MTHFD1L: variants seen among roughly 807,000 people sequenced by gnomAD.
MTHFD1L encodes the protein methylenetetrahydrofolate dehydrogenase (NADP+ dependent) 1 like, also known as monofunctional C1-tetrahydrofolate synthase, mitochondrial.
In MTHFD1L, 81 loss-of-function variants were observed where a neutral mutation model predicts 119.5. That is an observed-to-expected ratio of 0.68 (90% CI 0.57 to 0.82). The LOEUF (loss-of-function observed/expected upper bound fraction) is 0.82, where lower values mean the gene tolerates loss of function less well. Among genes scored for constraint, MTHFD1L ranks in the 40% least tolerant of loss-of-function variants. MTHFD1L has a pLI of 0.00. For synonymous variants in MTHFD1L, 430 were observed against 475.2 expected, an observed-to-expected ratio of 0.90 and a Z score of 1.24; for missense variants, 1,125 against 1,253.4, an observed-to-expected ratio of 0.90 and a Z score of 1.55.
At chr6:150,969,420 G>A (rs184714322) in intron 19 of MTHFD1L, among the ~76,000 whole-genome samples, 13 of 151,988 alleles carry the variant, frequency 8.6e-5, no homozygotes, top group South Asian at 2.1e-4. Flanking sequence ...AGCTTGAACC[G>A]GGGAGGTGGA....
At chr6:150,935,219 C>T in intron 11 of MTHFD1L, 1 of 1,611,928 alleles carries the variant, frequency 6.2e-7, no homozygotes, top group Non-Finnish European at 8.5e-7. Flanking sequence ...ATTAAGGCCA[C>T]TGTGGAAGTC....
chr6:150,923,552 T>TTTATTTTTTC (rs1562387406), intron 10 of MTHFD1L, among the ~76,000 whole-genome samples: 8 of 138,136 alleles, frequency 5.8e-5, no homozygotes, highest in Admixed American at 7.2e-5. Context: ...TTCTTTTTTT[T>TTTATTTTTTC]TTTTTTTTTT....
chr6:150,971,168 G>A (rs1797954306), intron 19 of MTHFD1L, among the ~76,000 whole-genome samples: 1 of 152,024 alleles, frequency 6.6e-6, no homozygotes, highest in Admixed American at 6.6e-5. Flanking sequence ...ATAAACATGT[G>A]TCCCTAGGTT....
chr6:151,007,525 C>A (rs1455530138), intron 20 of MTHFD1L, among the ~76,000 whole-genome samples: 1 of 152,178 alleles, frequency 6.6e-6, no homozygotes, highest in African/African-American at 2.4e-5. Flanking sequence ...TGTACCTGTG[C>A]CGTCTCACTT....
chr6:150,914,603 G>T lies in MTHFD1L; in HGVS notation c.893-3974G>T, dbSNP rs115188820. 5.3e-3 allele frequency among the ~76,000 whole-genome samples: 803 copies of T among 151,782 alleles called. 3 individuals are homozygous for T. The highest frequency in any genetic ancestry group is 0.018 in the African/African-American group (750 of 41,394). ...GAGCCTGGGAGGTCAAGGCTGCAAT[G>T]ATCGTGATCACATCACTGCACTCCA... On this transcript the variant is annotated intron_variant, in intron 8 of 27. Transcript: ENST00000367321.
intron 5 of MTHFD1L, among the ~76,000 whole-genome samples, chr6:150,885,023 G>A (rs747874181): frequency 1.3e-5 from 2 of 152,180 alleles, no homozygotes; most frequent in Non-Finnish European, 2.9e-5. Context: ...GGAGCTCCCT[G>A]GAGTTGCGAA....
At chr6:150,983,750 A>G (rs1169626250) in intron 20 of MTHFD1L, among the ~76,000 whole-genome samples, 1 of 152,166 alleles carries the variant, frequency 6.6e-6, no homozygotes, top group Non-Finnish European at 1.5e-5. Flanking sequence ...TTTGAAAACA[A>G]AAGAAAGGGT....
chr6:151,098,957 C>T (rs1225492375), intron 27 of MTHFD1L, among the ~76,000 whole-genome samples: 1 of 151,982 alleles, frequency 6.6e-6, no homozygotes, highest in East Asian at 1.9e-4. Context: ...AGGCGGATCA[C>T]CTGAGGTCAG....
intron 8 of MTHFD1L, among the ~76,000 whole-genome samples, chr6:150,906,598 A>G (rs1022127076): frequency 6.6e-6 from 1 of 152,204 alleles, no homozygotes; most frequent in African/African-American, 2.4e-5. Flanking sequence ...TTGGCCTCCA[A>G]ATGTTTGTGT....
chr6:150,874,343 G>T (rs1324233980), intron 1 of MTHFD1L, among the ~76,000 whole-genome samples: 1 of 152,198 alleles, frequency 6.6e-6, no homozygotes, highest in African/African-American at 2.4e-5. Flanking sequence ...GGCCCAGCTG[G>T]CAGTAGAAAG....
At chr6:151,053,849 G>A (rs1171255465) in intron 26 of MTHFD1L, among the ~76,000 whole-genome samples, 2 of 143,140 alleles carry the variant, frequency 1.4e-5, no homozygotes, top group African/African-American at 5.2e-5. Context: ...GACAGAGTGA[G>A]ACTCCATCTC....
At chr6:150,993,691 G>T (rs1029762316) in intron 20 of MTHFD1L, among the ~76,000 whole-genome samples, 1 of 152,092 alleles carries the variant, frequency 6.6e-6, no homozygotes, top group Non-Finnish European at 1.5e-5. Context: ...CCCCTCCAAA[G>T]TGCCGTAAGT....
intron 16 of MTHFD1L, among the ~76,000 whole-genome samples, chr6:150,954,357 A>G (rs1208288509): frequency 6.6e-6 from 1 of 152,210 alleles, no homozygotes; most frequent in African/African-American, 2.4e-5. Context: ...TTTTCACAAA[A>G]TGTAAATAAC....
intron 24 of MTHFD1L, among the ~76,000 whole-genome samples, chr6:151,024,966 G>A (rs960907244): frequency 6.6e-6 from 1 of 152,178 alleles, no homozygotes; most frequent in Non-Finnish European, 1.5e-5. Flanking sequence ...TCTTTTGGGT[G>A]AGATGAGATC....
chr6:150,949,720 C>A (rs145370643), intron 16 of MTHFD1L, among the ~76,000 whole-genome samples: 12 of 152,322 alleles, frequency 7.9e-5, no homozygotes, highest in Admixed American at 2.6e-4. Flanking sequence ...AGTCCCCTTC[C>A]TTCTCCCACA....
At chr6:150,876,865 A>G (rs1394656584) in intron 2 of MTHFD1L, among the ~76,000 whole-genome samples, 2 of 152,358 alleles carry the variant, frequency 1.3e-5, no homozygotes, top group East Asian at 3.9e-4. Context: ...TGCGTATTTC[A>G]GGATTACAGA....
At chr6:151,068,586 T>C (rs1374323384) in intron 26 of MTHFD1L, among the ~76,000 whole-genome samples, 1 of 152,206 alleles carries the variant, frequency 6.6e-6, no homozygotes, top group Non-Finnish European at 1.5e-5. Flanking sequence ...TCTTAATGTT[T>C]CCATCCACTA....
rs144664749 is a variant in MTHFD1L, at chr6:150,887,969, G to T, written c.768G>T (p.Gln256His). ...TGAGCATCCAGTGGAAAACACGCCA[G>T]CTTCAAAGCAAGGTAAATTTCATGT... ...MTMSIQWKTR[Q>H]LQSKLHEADI... is the part of the protein sequence containing the mutation. The change falls in exon 7 of 28, where the codon CAG becomes CAT. Residue 256 changes from glutamine (Q) to histidine (H), a missense_variant. By Grantham distance (24) the Gln-to-His change is conservative. Around this residue, in one of 3 missense-constraint regions of MTHFD1L, gnomAD observed 1,058 missense variants for 1,151.2 expected, o/e 0.92. Coordinates refer to ENST00000367321, the MANE Select transcript of MTHFD1L (RefSeq NM_015440.5). 1.5e-5 allele frequency: 24 copies of T among 1,600,338 alleles called. No individual in the cohort carries two copies. The African/African-American group carries it at 2.4e-4, about 16-fold the overall frequency.
At chr6:151,073,317 G>A (rs1792141403) in intron 26 of MTHFD1L, among the ~76,000 whole-genome samples, 1 of 152,214 alleles carries the variant, frequency 6.6e-6, no homozygotes, top group Non-Finnish European at 1.5e-5. Context: ...CCGAAAGAAT[G>A]AGGGAACAGT....
Sources: gnomAD v4.1 joint callset for allele counts (sites outside exome capture counted in the v4.1 genomes callset) on GRCh38, gnomAD v4.1.1 for gene constraint, gnomAD v4.1.1 regional missense constraint, MANE v1.5 for transcripts, NCBI Gene and HGNC (gene_info 2026-07-23, HGNC 2026-07-21) for gene names.